Variants in EYA4 observed in about 807,000 individuals in gnomAD.
The protein encoded by EYA4 is protein phosphatase EYA4.
In EYA4, 31 loss-of-function variants were observed where a neutral mutation model predicts 87.9. That is an observed-to-expected ratio of 0.35 (90% CI 0.27 to 0.48). The LOEUF (loss-of-function observed/expected upper bound fraction) is 0.48, where lower values mean the gene tolerates loss of function less well. EYA4 is among the 20% of genes least tolerant of loss of function. The pLI, the probability that EYA4 is intolerant of heterozygous loss-of-function variation, is 0.99. For missense variants in EYA4, 678 were observed against 761.4 expected (o/e 0.89, Z 1.29); for synonymous variants, 263 against 270.6 (o/e 0.97, Z 0.28).
At position 133,368,283 on chromosome 6, in the gene EYA4, C is replaced by T. The variant is rs541676320; in HGVS notation, c.34-14109C>T. On this transcript the variant is annotated intron_variant, in intron 2 of 19. Coordinates refer to ENST00000355286, the MANE Select transcript of EYA4 (RefSeq NM_004100.5). ...CACCACACTTTGTTTGTTGTTCCTA[C>T]CTCGCCCCGCTTTAAGATTAGGGAA... 2.6e-5 allele frequency among the ~76,000 whole-genome samples: 4 copies of T among 152,284 alleles called. 1 individual carries two copies. The East Asian group carries it at 7.7e-4, about 29-fold the overall frequency.
chr6:133,349,756 T>G (rs1783494908), intron 2 of EYA4, among the ~76,000 whole-genome samples: 2 of 152,130 alleles, frequency 1.3e-5, no homozygotes, highest in East Asian at 3.9e-4. Flanking sequence ...AAACAGTGCC[T>G]TGCCATTTGA....
chr6:133,461,798 G>T, intron 7 of EYA4, among the ~76,000 whole-genome samples: 1 of 144,478 alleles, frequency 6.9e-6, no homozygotes, highest in Non-Finnish European at 1.5e-5. Context: ...CATGATGAAA[G>T]GAATGATGTT....
intron 3 of EYA4, among the ~76,000 whole-genome samples, chr6:133,397,977 A>G (rs984785315): frequency 1.3e-5 from 2 of 152,216 alleles, no homozygotes; most frequent in African/African-American, 4.8e-5. Flanking sequence ...CAGACAAACC[A>G]TATCACCATG....
intron 3 of EYA4, among the ~76,000 whole-genome samples, chr6:133,383,670 T>C (rs940712605): frequency 2.6e-5 from 4 of 152,116 alleles, no homozygotes; most frequent in African/African-American, 2.4e-5. Flanking sequence ...TTCCTGTGCA[T>C]ATTATATTAA....
chr6:133,406,620 G>A (rs1310536990), intron 3 of EYA4, among the ~76,000 whole-genome samples: 1 of 152,136 alleles, frequency 6.6e-6, no homozygotes, highest in East Asian at 1.9e-4. Flanking sequence ...ATTCTGTGTT[G>A]CCCTCACCTA....
At chr6:133,260,348 C>G (rs1021050886) in intron 1 of EYA4, among the ~76,000 whole-genome samples, 2 of 152,128 alleles carry the variant, frequency 1.3e-5, no homozygotes, top group African/African-American at 4.8e-5. Flanking sequence ...GGCGATTCTC[C>G]TGCCTCAGCC....
chr6:133,338,336 C>G lies in EYA4; in HGVS notation c.34-44056C>G, dbSNP rs865787252. 4.2e-4 allele frequency among the ~76,000 whole-genome samples: 64 copies of G among 152,014 alleles called. 1 individual carries two copies. Among genetic ancestry groups the G allele is most frequent in the Middle Eastern group, 3.4e-3 (1 of 294 alleles). On this transcript the variant is annotated intron_variant, in intron 2 of 19. Transcript: ENST00000355286. ...GTAGATAGTTTGTACTCATTTTAAA[C>G]TTAAAATCTGTTTGTGCCTTACATG...
intron 3 of EYA4, among the ~76,000 whole-genome samples, chr6:133,395,056 A>T (rs1163720464): frequency 1.3e-5 from 2 of 152,210 alleles, no homozygotes; most frequent in African/African-American, 4.8e-5. Context: ...TTTATTTACA[A>T]AATGATCCCA....
chr6:133,500,279 C>T (rs3777878), intron 13 of EYA4, among the ~76,000 whole-genome samples: 1 of 151,816 alleles, frequency 6.6e-6, no homozygotes, highest in Non-Finnish European at 1.5e-5. Flanking sequence ...AAAGCTCCAC[C>T]GGTGTTCCCC....
At chr6:133,415,140 C>T (rs1789598754) in intron 3 of EYA4, among the ~76,000 whole-genome samples, 1 of 152,140 alleles carries the variant, frequency 6.6e-6, no homozygotes, top group South Asian at 2.1e-4. Flanking sequence ...ATCAAACCTG[C>T]CTCCTTTCTC....
intron 3 of EYA4, among the ~76,000 whole-genome samples, chr6:133,412,908 G>A (rs1293713095): frequency 6.6e-6 from 1 of 152,150 alleles, no homozygotes; most frequent in African/African-American, 2.4e-5. Flanking sequence ...CCCAGCAGCT[G>A]GATGTGGTAA....
intron 3 of EYA4, among the ~76,000 whole-genome samples, chr6:133,437,317 T>C (rs1791781451): frequency 6.6e-6 from 1 of 152,172 alleles, no homozygotes; most frequent in Non-Finnish European, 1.5e-5. Context: ...CTGATTGTGA[T>C]TTCATGGTGT....
intron 3 of EYA4, among the ~76,000 whole-genome samples, chr6:133,442,290 C>A (rs1199880334): frequency 2.6e-5 from 4 of 151,900 alleles, no homozygotes; most frequent in African/African-American, 9.7e-5. Flanking sequence ...GTTTTATTTC[C>A]CCAAAAAGTG....
chr6:133,303,954 A>G (rs1333149635), intron 2 of EYA4, among the ~76,000 whole-genome samples: 1 of 152,178 alleles, frequency 6.6e-6, no homozygotes. Context: ...TACAGGGGTC[A>G]GACAGGGAAG....
rs546367065 is a variant in EYA4 at position 133,250,552 on chromosome 6, G to T, written c.-66+8803G>T. ...AGCTACTCGGGAGGCTGAGGCAGGA[G>T]AATCACTTGAACCCAGAAGGCAGAG... On this transcript the variant is annotated intron_variant, in intron 1 of 19. Coordinates refer to ENST00000355286, the MANE Select transcript of EYA4 (RefSeq NM_004100.5). 3.3e-5 allele frequency among the ~76,000 whole-genome samples: 5 copies of T among 152,076 alleles called. No individual in the cohort carries two copies. The South Asian group carries it at 8.3e-4, about 25-fold the overall frequency.
At chr6:133,461,220 T>C (rs1293535308) in intron 7 of EYA4, 40 bp downstream of exon 7, 1 of 1,321,132 alleles carries the variant, frequency 7.6e-7, no homozygotes, top group South Asian at 1.2e-5. Flanking sequence ...TTGGCAAACA[T>C]TTATGTCTAT....
At chr6:133,431,711 G>A (rs539406788) in intron 3 of EYA4, among the ~76,000 whole-genome samples, 102 of 152,266 alleles carry the variant, frequency 6.7e-4, no homozygotes, top group Non-Finnish European at 1.1e-3. Context: ...TGTAAAGAAA[G>A]AATTATATGG....
intron 2 of EYA4, among the ~76,000 whole-genome samples, chr6:133,279,066 TTGG>T (rs1434520896): frequency 6.6e-6 from 1 of 152,174 alleles, no homozygotes; most frequent in Admixed American, 6.5e-5. Context: ...TAATCCTATT[TTGG>T]TGGTCCGGGA....
chr6:133,385,292 C>G (rs1271717854), intron 3 of EYA4, among the ~76,000 whole-genome samples: 2 of 89,924 alleles, frequency 2.2e-5, no homozygotes, highest in African/African-American at 7.7e-5. Flanking sequence ...AAGCAAGACT[C>G]TGTCTCAAAA....
Sources: gnomAD v4.1 joint callset for allele counts (sites outside exome capture counted in the v4.1 genomes callset) on GRCh38, gnomAD v4.1.1 for gene constraint, MANE v1.5 for transcripts, NCBI Gene and HGNC (gene_info 2026-07-23, HGNC 2026-07-21) for gene names.